FOXN2: variants seen among roughly 807,000 people sequenced by gnomAD.
The protein encoded by FOXN2 is forkhead box N2, also known as forkhead box protein N2.
FOXN2 carries 19 observed loss-of-function variants against 41.2 expected under a neutral mutation model. That is an observed-to-expected ratio of 0.46 (90% confidence interval 0.32 to 0.68). The LOEUF (loss-of-function observed/expected upper bound fraction) is 0.68, where lower values mean the gene tolerates loss of function less well. Among genes scored for constraint, FOXN2 ranks in the 30% least tolerant of loss-of-function variants. FOXN2 has a pLI of 0.03. For missense variants in FOXN2, 587 were observed against 509.4 expected (o/e 1.15, Z -1.47); for synonymous variants, 195 against 176.8 (o/e 1.10, Z -0.82).
rs527370849 is a variant in FOXN2, at chr2:48,315,391, C to T, written c.-157+577C>T. ...GGCCGGGCGTTGTGGTGGGCAGAGG[C>T]GGGTCCCGGGTGTGTGTGGGAGCGA... is the stretch of plus-strand genomic sequence containing the variant. On this transcript the variant is annotated intron_variant, in intron 1 of 6. Coordinates refer to ENST00000340553, the MANE Select transcript of FOXN2 (RefSeq NM_002158.4). Among the ~76,000 whole-genome samples the T allele has an allele frequency of 7.9e-5, 12 of 152,170 alleles. No homozygotes were observed. The East Asian group carries it at 2.1e-3, about 27-fold the overall frequency.
At chr2:48,371,126 G>A (rs888881109) in intron 5 of FOXN2, among the ~76,000 whole-genome samples, 5 of 152,160 alleles carry the variant, frequency 3.3e-5, no homozygotes, top group South Asian at 2.1e-4. Flanking sequence ...GGTGGGGCGC[G>A]GTGGCTCATG....
At chr2:48,360,760 T>C (rs1305847992) in intron 4 of FOXN2, among the ~76,000 whole-genome samples, 1 of 151,894 alleles carries the variant, frequency 6.6e-6, no homozygotes, top group Admixed American at 6.6e-5. Flanking sequence ...CTACTGATGT[T>C]CACCTATGTG....
chr2:48,331,309 A>G (rs1249452408), intron 2 of FOXN2, among the ~76,000 whole-genome samples: 1 of 152,200 alleles, frequency 6.6e-6, no homozygotes, highest in Non-Finnish European at 1.5e-5. Context: ...GTAAACAATT[A>G]TTTAGAAACA....
Position 48,362,674 on chromosome 2 carries a change from G to A in FOXN2, c.670G>A (p.Val224Ile). 2 of 1,614,058 alleles carry A rather than the reference G, an allele frequency of 1.2e-6. No homozygotes were observed. The highest frequency in any genetic ancestry group is 2.2e-5 in the East Asian group (1 of 44,870). ...TTTATCACCTCACTATTTAAGCTCT[G>A]TAATCAAGCAGAACCAGGTGCGAAA... ...GSLSPHYLSS[V>I]IKQNQVRNLK... Residue 224 changes from valine to isoleucine, a missense_variant, in exon 5 of 7, where the codon GTA (valine) becomes ATA (isoleucine). Coordinates refer to ENST00000340553, the MANE Select transcript of FOXN2 (RefSeq NM_002158.4).
chr2:48,315,728 G>A (rs577985825), intron 1 of FOXN2, among the ~76,000 whole-genome samples: 47 of 152,246 alleles, frequency 3.1e-4, no homozygotes, highest in African/African-American at 1.1e-3. Context: ...ACCCCCTTTT[G>A]CACCTTTGCA....
intron 4 of FOXN2, among the ~76,000 whole-genome samples, 174 bp downstream of exon 4, chr2:48,359,321 T>C (rs1338907881): frequency 6.6e-6 from 1 of 152,194 alleles, no homozygotes; most frequent in Non-Finnish European, 1.5e-5. Context: ...GTGGACACAG[T>C]CTTACTCTGT....
rs1213349946 is a variant in FOXN2, at chr2:48,375,133, T to C, written c.986T>C (p.Val329Ala). ...TCTTCCCTGTCTTCTGTGGATGAGG[T>C]ATATGAATTTATCCCAAAGAATAGT... Reference protein sequence around the residue: ...SVSSLSSVDEVYEFIPKNSHV... With the variant: ...SVSSLSSVDEAYEFIPKNSHV... The change falls in exon 7 of 7, where the codon GTA (valine) becomes GCA (alanine). Residue 329 changes from valine to alanine, a missense_variant. By Grantham distance (64) the Val-to-Ala change is moderately conservative. Coordinates refer to ENST00000340553, the MANE Select transcript of FOXN2 (RefSeq NM_002158.4). The C allele has an allele frequency of 6.2e-7, 1 of 1,614,054 alleles. No homozygotes were observed. The highest frequency in any genetic ancestry group is 8.5e-7 in the Non-Finnish European group (1 of 1,179,970).
At chr2:48,369,617 T>G (rs949073494) in intron 5 of FOXN2, among the ~76,000 whole-genome samples, 3 of 152,168 alleles carry the variant, frequency 2.0e-5, no homozygotes, top group African/African-American at 7.2e-5. Flanking sequence ...TAAGATAAAG[T>G]TTCTGTAATT....
chr2:48,353,486 T>A (rs1671584835), intron 3 of FOXN2, among the ~76,000 whole-genome samples: 1 of 151,636 alleles, frequency 6.6e-6, no homozygotes, highest in African/African-American at 2.4e-5. Context: ...ATAGATTTGC[T>A]TCTCCCACTA....
At chr2:48,349,249 G>C (rs528807278) in intron 3 of FOXN2, among the ~76,000 whole-genome samples, 2 of 152,286 alleles carry the variant, frequency 1.3e-5, no homozygotes, top group African/African-American at 4.8e-5. Flanking sequence ...ACTTTGGGAG[G>C]CTGAGACAGG....
intron 1 of FOXN2, among the ~76,000 whole-genome samples, 188 bp from the exon 2 acceptor site, chr2:48,328,373 A>G (rs1202433464): frequency 6.6e-6 from 1 of 152,206 alleles, no homozygotes; most frequent in Non-Finnish European, 1.5e-5. Flanking sequence ...CATATAACCT[A>G]CCCACTTCCT....
At chr2:48,368,213 T>G (rs1252250725) in intron 5 of FOXN2, among the ~76,000 whole-genome samples, 2 of 152,148 alleles carry the variant, frequency 1.3e-5, no homozygotes, top group African/African-American at 4.8e-5. Flanking sequence ...ACTATCAAAT[T>G]TTGGTTCCTT....
intron 1 of FOXN2, among the ~76,000 whole-genome samples, chr2:48,326,901 C>A (rs1572702022): frequency 6.6e-6 from 1 of 152,272 alleles, no homozygotes; most frequent in African/African-American, 2.4e-5. Flanking sequence ...CCCAAAAAAT[C>A]CCCAATCCAA....
Position 48,375,695 on chromosome 2 carries a change from T to C in FOXN2, c.*252T>C, listed in dbSNP as rs1277821837. 8.5e-5 allele frequency: 28 copies of C among 329,648 alleles called. No individual in the cohort carries two copies. In the East Asian group the frequency reaches 1.4e-3, roughly 16 times the overall value. The allele number at this position is 329,648 out of a possible 1,614,324, so 20.4% of individuals were successfully genotyped here. On this transcript the variant is annotated 3_prime_UTR_variant, in exon 7 of 7. Coordinates refer to ENST00000340553, the MANE Select transcript of FOXN2 (RefSeq NM_002158.4). ...AAATGTGTCCAAGATTTGAAAATTT[T>C]TATATAAGAAAATCCCCAGCCTCTG...
intron 3 of FOXN2, among the ~76,000 whole-genome samples, chr2:48,351,547 G>C (rs1447724820): frequency 6.6e-6 from 1 of 152,136 alleles, no homozygotes; most frequent in Non-Finnish European, 1.5e-5. Context: ...ACCTGAGGTG[G>C]GGACATGGGA....
intron 2 of FOXN2, among the ~76,000 whole-genome samples, chr2:48,335,075 A>G (rs529179168): frequency 2.0e-5 from 3 of 152,360 alleles, no homozygotes; most frequent in African/African-American, 4.8e-5. Context: ...TCTAATGAAA[A>G]TAAGTGGCTT....
intron 1 of FOXN2, among the ~76,000 whole-genome samples, chr2:48,320,913 CAAG>C: frequency 6.6e-6 from 1 of 151,966 alleles, no homozygotes. Flanking sequence ...TCCTGGGACT[CAAG>C]GAGGTTCAGT....
At chr2:48,342,161 C>T (rs997638879) in intron 2 of FOXN2, among the ~76,000 whole-genome samples, 4 of 151,978 alleles carry the variant, frequency 2.6e-5, no homozygotes, top group South Asian at 2.1e-4. Context: ...TATAAATCAC[C>T]GTTTTCTTTT....
Position 48,377,671 on chromosome 2 carries a change from A to C in FOXN2, c.*2228A>C, listed in dbSNP as rs1572790516. The C allele has an allele frequency of 6.6e-6, 1 of 152,172 alleles. No homozygotes were observed. Among genetic ancestry groups the C allele is most frequent in the Middle Eastern group, 3.4e-3 (1 of 294 alleles). The allele number at this position is 152,172 out of a possible 1,614,324, so 9.4% of individuals were successfully genotyped here. A position where few individuals can be genotyped will look rare whatever the true frequency, so the allele number is the denominator to read the frequency against. ...TGTTTAAGTTATATTCATCACTAGCAAGGATGATAAACACTTGTGCACTGA... is the reference window on the plus strand; with the variant it reads ...TGTTTAAGTTATATTCATCACTAGCCAGGATGATAAACACTTGTGCACTGA... On this transcript the variant is annotated 3_prime_UTR_variant, in exon 7 of 7. Transcript: ENST00000340553.
Sources: gnomAD v4.1 joint callset for allele counts (sites outside exome capture counted in the v4.1 genomes callset) on GRCh38, gnomAD v4.1.1 for gene constraint, MANE v1.5 for transcripts, NCBI Gene and HGNC (gene_info 2026-07-23, HGNC 2026-07-21) for gene names.